The following AGGF1 variants were observed in gnomAD, a reference collection of about 807,000 sequenced individuals.
AGGF1 encodes the protein angiogenic factor with G patch and FHA domains 1.
In AGGF1, 56 loss-of-function variants were observed where a neutral mutation model predicts 86.5. That is an observed-to-expected ratio of 0.65 (90% confidence interval 0.52 to 0.81). AGGF1 has a LOEUF of 0.81. Ranked by LOEUF, AGGF1 falls within the 30% of genes least tolerant of loss-of-function variation. AGGF1 has a pLI of 0.00. For missense variants in AGGF1, 816 were observed against 850.9 expected, an observed-to-expected ratio of 0.96 and a Z score of 0.51; for synonymous variants, 313 against 297.1, an observed-to-expected ratio of 1.05 and a Z score of -0.55.
intron 13 of AGGF1, among the ~76,000 whole-genome samples, chr5:77,062,325 G>A (rs1747575386): frequency 6.6e-6 from 1 of 152,210 alleles, no homozygotes. Flanking sequence ...TCTGGATAAT[G>A]AACTTAGTAC....
chr5:77,048,136 A>T, intron 6 of AGGF1, 25 bp from the exon 7 acceptor site: 1 of 1,411,446 alleles, frequency 7.1e-7, no homozygotes, highest in Non-Finnish European at 1.0e-6. Context: ...TTAAATTAAT[A>T]TTTACTCACT....
intron 13 of AGGF1, 62 bp from the exon 14 acceptor site, chr5:77,062,990 C>T: frequency 6.4e-7 from 1 of 1,569,562 alleles, no homozygotes; most frequent in South Asian, 1.1e-5. Flanking sequence ...CTAAGTTGGA[C>T]ACAGCAGATT....
chr5:77,051,406 C>G (rs1358705755), intron 8 of AGGF1, among the ~76,000 whole-genome samples: 1 of 148,618 alleles, frequency 6.7e-6, no homozygotes, highest in Non-Finnish European at 1.5e-5. Context: ...GCACTCCGGC[C>G]TGGGCAACAG....
chr5:77,061,863 A>G lies in AGGF1; in HGVS notation c.1944+61A>G. On this transcript the variant is annotated intron_variant, in intron 13 of 13. Coordinates refer to ENST00000312916, the MANE Select transcript of AGGF1 (RefSeq NM_018046.5). ...AGAGCAGACATTTACCGTGTACATT[A>G]ATGTGCCAAACGTTGCCTTAAGTGC... The G allele has an allele frequency of 2.0e-6, 3 of 1,499,958 alleles. No homozygotes were observed. The Admixed American group carries it at 5.0e-5, about 25-fold the overall frequency. The allele number at this position is 1,499,958 out of a possible 1,614,324, so 92.9% of individuals were successfully genotyped here.
chr5:77,047,788 G>C (rs1747298217), intron 6 of AGGF1, among the ~76,000 whole-genome samples: 2 of 149,726 alleles, frequency 1.3e-5, no homozygotes, highest in Non-Finnish European at 3.0e-5. Flanking sequence ...AAAGTGCTGG[G>C]ATTATAGGTG....
At chr5:77,034,375 T>C (rs1198875544) in intron 1 of AGGF1, 43 bp from the exon 2 acceptor site, 1 of 1,197,496 alleles carries the variant, frequency 8.4e-7, no homozygotes. Context: ...TATTATTAGA[T>C]TGTTACATGA....
At chr5:77,059,975 G>A (rs545459068) in intron 12 of AGGF1, among the ~76,000 whole-genome samples, 45 of 152,300 alleles carry the variant, frequency 3.0e-4, no homozygotes, top group Non-Finnish European at 3.7e-4. Flanking sequence ...CTGAGTAGCT[G>A]GGATTACAGA....
chr5:77,050,260 C>T (rs1227339635), intron 8 of AGGF1, among the ~76,000 whole-genome samples: 2 of 148,574 alleles, frequency 1.3e-5, no homozygotes, highest in Non-Finnish European at 3.0e-5. Flanking sequence ...CACCTCCAGT[C>T]TAAACCATAG....
rs932042708 is a variant in AGGF1 at position 77,063,159 on chromosome 5, A to G, written c.2052A>G (p.Lys684=). The change falls in exon 14 of 14, where the codon AAA becomes AAG. Residue 684 remains lysine, a synonymous_variant. Transcript: ENST00000312916. Reference sequence around the variant, plus strand: ...ACAAGAACAAAAAAAACTGGGACAAAGCACGAGAGCGGTTTACTGAAAACT... The same window carrying G: ...ACAAGAACAAAAAAAACTGGGACAAGGCACGAGAGCGGTTTACTGAAAACT... ...LQNKNKKNWD[K]ARERFTENFP... is the part of the protein sequence containing the mutation. 2.5e-6 allele frequency: 4 copies of G among 1,614,016 alleles called. No individual in the cohort carries two copies. The Admixed American group carries it at 6.7e-5, about 27-fold the overall frequency.
intron 12 of AGGF1, 97 bp from the exon 13 acceptor site, chr5:77,061,606 A>G (rs1332218129): frequency 8.0e-7 from 1 of 1,252,520 alleles, no homozygotes; most frequent in Non-Finnish European, 1.1e-6. Context: ...CGGTTTTCTA[A>G]AGTAGTTGTA....
chr5:77,030,985 T>A lies in AGGF1; in HGVS notation c.210+9T>A. The A allele has an allele frequency of 6.2e-7, 1 of 1,611,148 alleles. No homozygotes were observed. Among genetic ancestry groups the A allele is most frequent in the Non-Finnish European group, 8.5e-7 (1 of 1,179,770 alleles). On this transcript the variant is annotated intron_variant, in intron 1 of 13. Transcript: ENST00000312916. ...AGGAGCTCCGCACGCAGGTGCGCGG[T>A]CCTCCTCAGCCCCGCGCCCCATCCA...
At chr5:77,055,356 T>G (rs1747440738) in intron 10 of AGGF1, among the ~76,000 whole-genome samples, 158 bp from the exon 11 acceptor site, 2 of 152,198 alleles carry the variant, frequency 1.3e-5, no homozygotes, top group South Asian at 4.1e-4. Flanking sequence ...TGAAAGGACA[T>G]CATCACAACC....
At chr5:77,059,407 C>T (rs1747513898) in intron 11 of AGGF1, among the ~76,000 whole-genome samples, 1 of 152,108 alleles carries the variant, frequency 6.6e-6, no homozygotes, top group Non-Finnish European at 1.5e-5. Context: ...GTCTCAAACT[C>T]CTGACCTCTA....
intron 11 of AGGF1, among the ~76,000 whole-genome samples, chr5:77,057,661 A>AC (rs577165791): frequency 2.2e-4 from 33 of 152,264 alleles, no homozygotes; most frequent in Non-Finnish European, 3.4e-4. Context: ...TGGGAAACCA[A>AC]CCCCCAAAGC....
intron 11 of AGGF1, among the ~76,000 whole-genome samples, chr5:77,057,706 A>C (rs1301621304): frequency 6.6e-6 from 1 of 152,236 alleles, no homozygotes; most frequent in Non-Finnish European, 1.5e-5. Context: ...TGGAGTCTCA[A>C]CTGTGTGTGC....
At chr5:77,039,774 G>C (rs1747035680) in intron 5 of AGGF1, 55 bp downstream of exon 5, 1 of 1,496,622 alleles carries the variant, frequency 6.7e-7, no homozygotes, top group African/African-American at 1.4e-5. Flanking sequence ...TGATAATTAA[G>C]ACAAAATTTT....
chr5:77,043,545 C>T (rs1240843489), intron 5 of AGGF1, among the ~76,000 whole-genome samples: 12 of 144,144 alleles, frequency 8.3e-5, no homozygotes, highest in Non-Finnish European at 1.2e-4. Context: ...CTGACCCCCC[C>T]ACCTCCCTCC....
At position 77,042,237 on chromosome 5, in the gene AGGF1, G is replaced by A. The variant is rs1360775425; in HGVS notation, c.870+2518G>A. ...TTCTACACAGACACGGCAACCATCC[G>A]ATTTCTCAATCTTTTCCCCACCTTT... On this transcript the variant is annotated intron_variant, in intron 5 of 13. Transcript: ENST00000312916. 3.3e-5 allele frequency among the ~76,000 whole-genome samples: 5 copies of A among 151,244 alleles called. No homozygotes were observed. The East Asian group carries it at 6.0e-4, about 18-fold the overall frequency.
intron 8 of AGGF1, among the ~76,000 whole-genome samples, chr5:77,049,554 T>C (rs1580132252): frequency 6.7e-6 from 1 of 150,362 alleles, no homozygotes; most frequent in East Asian, 1.9e-4. Flanking sequence ...TTTACTTTTT[T>C]TTTTTTTTTT....
Sources: allele counts gnomAD v4.1 joint callset (sites outside exome capture counted in the v4.1 genomes callset), GRCh38; gene constraint gnomAD v4.1.1; transcripts MANE v1.5; gene names NCBI Gene and HGNC (gene_info 2026-07-23, HGNC 2026-07-21).